SLF1: variants seen among roughly 807,000 people sequenced by gnomAD.
SLF1 encodes SMC5/6 complex localization factor 1.
In SLF1, 105 loss-of-function variants were observed where a neutral mutation model predicts 123.0. The ratio of observed to expected loss-of-function variants is 0.85; its 90% CI spans 0.73 to 1.00. The LOEUF (loss-of-function observed/expected upper bound fraction) is 1.00. SLF1 is among the 50% of genes least tolerant of loss of function. SLF1 has a pLI of 0.00. For synonymous variants in SLF1, 434 were observed against 406.6 expected (o/e 1.07, Z -0.81); for missense variants, 1,239 against 1,223.0 (o/e 1.01, Z -0.20).
At chr5:94,648,706 T>A (rs1406894711) in intron 5 of SLF1, among the ~76,000 whole-genome samples, 1 of 152,230 alleles carries the variant, frequency 6.6e-6, no homozygotes, top group African/African-American at 2.4e-5. Context: ...GGTCTTGATC[T>A]TCTGACCTCG....
chr5:94,658,358 A>G (rs980363004), intron 9 of SLF1, among the ~76,000 whole-genome samples: 6 of 151,724 alleles, frequency 4.0e-5, no homozygotes, highest in African/African-American at 1.4e-4. Flanking sequence ...TGTCCAGGAA[A>G]TACTTTATTT....
At chr5:94,681,542 A>G (rs1029578368) in intron 15 of SLF1, among the ~76,000 whole-genome samples, 9 of 152,254 alleles carry the variant, frequency 5.9e-5, no homozygotes, top group African/African-American at 1.7e-4. Context: ...ACATGTGCAC[A>G]ATGTGCAGGT....
intron 15 of SLF1, among the ~76,000 whole-genome samples, chr5:94,679,597 AAAAAAAAACAAAC>A (rs1393716199): frequency 6.6e-6 from 1 of 152,000 alleles, no homozygotes; most frequent in African/African-American, 2.4e-5. Flanking sequence ...GTCTCTTTAA[AAAAAAAAACAAAC>A]AAAAAAAACT....
At chr5:94,648,917 A>C (rs1747375268) in intron 5 of SLF1, among the ~76,000 whole-genome samples, 1 of 152,224 alleles carries the variant, frequency 6.6e-6, no homozygotes, top group Non-Finnish European at 1.5e-5. Flanking sequence ...AAGTTGATTT[A>C]TGAATGCAGT....
chr5:94,666,104 AGAAGTATCTTTCTACTTTTG>A, intron 12 of SLF1, 80 bp downstream of exon 12: 1 of 1,295,496 alleles, frequency 7.7e-7, no homozygotes, highest in South Asian at 1.6e-5. Flanking sequence ...TACTGATGAA[AGAAGTATCTTTCTACTTTTG>A]GAAAAGTTTT....
At chr5:94,694,710 A>C in intron 20 of SLF1, 121 bp from the exon 21 acceptor site, 1 of 1,287,702 alleles carries the variant, frequency 7.8e-7, no homozygotes, top group Non-Finnish European at 1.0e-6. Context: ...GTCGACATGA[A>C]TTAATACAAA....
intron 6 of SLF1, among the ~76,000 whole-genome samples, chr5:94,650,706 AT>A (rs1028082995): frequency 2.0e-5 from 3 of 151,920 alleles, no homozygotes; most frequent in African/African-American, 7.3e-5. Context: ...ATATTTTTGC[AT>A]TTTTTTCTGA....
intron 18 of SLF1, among the ~76,000 whole-genome samples, chr5:94,690,605 A>G (rs1752956983): frequency 6.6e-6 from 1 of 152,196 alleles, no homozygotes; most frequent in Non-Finnish European, 1.5e-5. Context: ...GCATGTAAAA[A>G]AATGTTTTTG....
chr5:94,681,493 A>G (rs948598020), intron 15 of SLF1, among the ~76,000 whole-genome samples: 1 of 152,068 alleles, frequency 6.6e-6, no homozygotes, highest in Admixed American at 6.5e-5. Flanking sequence ...TTTCTTTTTT[A>G]TTTTTTATTT....
At chr5:94,639,120 A>G (rs2152471634) in intron 4 of SLF1, among the ~76,000 whole-genome samples, 1 of 140,332 alleles carries the variant, frequency 7.1e-6, no homozygotes, top group South Asian at 2.2e-4. Context: ...GGCTCACTGC[A>G]ACCTCTGCCT....
rs1745522978 is a variant in SLF1, at chr5:94,634,360, C to G, written c.431+3617C>G. 2.0e-5 allele frequency among the ~76,000 whole-genome samples: 3 copies of G among 152,158 alleles called. No individual in the cohort carries two copies. The South Asian group carries it at 6.2e-4, about 32-fold the overall frequency. On this transcript the variant is annotated intron_variant, in intron 4 of 20. Coordinates refer to ENST00000265140, the MANE Select transcript of SLF1 (RefSeq NM_032290.4). ...GTAACCACCATTCTGCTCTCTGCAC[C>G]TATGCGTTCAACTTTTAGGTTCTAT...
chr5:94,641,283 G>A (rs1585129620), intron 4 of SLF1, among the ~76,000 whole-genome samples: 1 of 149,984 alleles, frequency 6.7e-6, no homozygotes. Context: ...CATTATCATG[G>A]GACTGGCTTG....
At chr5:94,650,850 G>T (rs997381559) in intron 6 of SLF1, among the ~76,000 whole-genome samples, 3 of 152,098 alleles carry the variant, frequency 2.0e-5, no homozygotes, top group African/African-American at 7.2e-5. Context: ...AAACCACAGT[G>T]TATAGCATTT....
chr5:94,667,514 A>G (rs1006717455), intron 12 of SLF1, among the ~76,000 whole-genome samples: 7 of 152,270 alleles, frequency 4.6e-5, no homozygotes, highest in Middle Eastern at 3.4e-3. Flanking sequence ...TGCTCTTTCC[A>G]AAGTGATCTT....
At position 94,694,848 on chromosome 5, in the gene SLF1, C is replaced by T. The variant is rs1561483362; in HGVS notation, c.2713C>T (p.Gln905Ter). The change falls in exon 21 of 21, where the codon CAG becomes TAG. Residue 905 changes from glutamine (Q) to a stop codon, truncating the protein, a stop_gained. Coordinates refer to ENST00000265140, the MANE Select transcript of SLF1 (RefSeq NM_032290.4). LOFTEE classifies it high-confidence loss of function. ...TTTCACAGGCCCAGTGCTTTTACAA[C>T]AGAGGAATGCTAAGGGAGAATTGCC... ...LQHGGPVLLQ[Q>*]RNAKGELPLD... The T allele has an allele frequency of 6.4e-7, 1 of 1,574,798 alleles. No individual in the cohort carries two copies. The highest frequency in any genetic ancestry group is 1.9e-5 in the Admixed American group (1 of 51,624).
At chr5:94,654,820 TATATATAC>T (rs1748185169) in intron 9 of SLF1, 68 bp downstream of exon 9, 9 of 1,108,842 alleles carry the variant, frequency 8.1e-6, no homozygotes, top group South Asian at 6.6e-5. Context: ...AAAATATAAT[TATATATAC>T]ATATATACAT....
At chr5:94,669,623 A>G (rs1023015943) in intron 12 of SLF1, among the ~76,000 whole-genome samples, 5 of 152,072 alleles carry the variant, frequency 3.3e-5, no homozygotes, top group African/African-American at 1.2e-4. Context: ...AGTAGAACAT[A>G]TACATCATCA....
chr5:94,661,838 C>T (rs537335086), intron 9 of SLF1, among the ~76,000 whole-genome samples: 2 of 152,128 alleles, frequency 1.3e-5, no homozygotes, highest in East Asian at 3.9e-4. Flanking sequence ...CGCCCAGCCT[C>T]AGGGTATTAT....
intron 15 of SLF1, among the ~76,000 whole-genome samples, chr5:94,682,069 G>C (rs1341036451): frequency 2.6e-5 from 4 of 151,856 alleles, no homozygotes; most frequent in East Asian, 1.9e-4. Flanking sequence ...TTTGGAGAAA[G>C]GTAAAGAAAA....
Sources: gnomAD v4.1 joint callset for allele counts (sites outside exome capture counted in the v4.1 genomes callset) on GRCh38, gnomAD v4.1.1 for gene constraint, MANE v1.5 for transcripts, NCBI Gene and HGNC (gene_info 2026-07-23, HGNC 2026-07-21) for gene names.